The following KALRN variants were observed in gnomAD, a reference collection of about 807,000 sequenced individuals.
The protein encoded by KALRN is kalirin RhoGEF kinase, also known as kalirin.
A neutral mutation model predicts 353.7 loss-of-function variants in KALRN; 70 were observed. That is an observed-to-expected ratio of 0.20 (90% CI 0.16 to 0.24). KALRN has a LOEUF of 0.24. KALRN is among the 10% of genes least tolerant of loss of function. The probability of loss-of-function intolerance (pLI) is 1.00; values close to 1 mark genes in which losing one functional copy is unlikely to be tolerated. For synonymous variants in KALRN, 1,391 were observed against 1,434.8 expected (o/e 0.97, Z 0.69); for missense variants, 2,791 against 3,756.7 (o/e 0.74, Z 6.72).
At chr3:124,353,933 A>C (rs1387271079) in intron 10 of KALRN, among the ~76,000 whole-genome samples, 1 of 152,250 alleles carries the variant, frequency 6.6e-6, no homozygotes, top group Non-Finnish European at 1.5e-5. Flanking sequence ...CTGGAGCACT[A>C]GGGAGAAGTT....
intron 34 of KALRN, among the ~76,000 whole-genome samples, chr3:124,617,550 A>G (rs536090546): frequency 6.6e-6 from 1 of 152,252 alleles, no homozygotes; most frequent in Admixed American, 6.5e-5. Context: ...AGGGTGTATA[A>G]GCAGGGAAGA....
intron 1 of KALRN, among the ~76,000 whole-genome samples, chr3:124,064,727 T>C (rs751110121): frequency 2.0e-5 from 3 of 152,178 alleles, no homozygotes; most frequent in Non-Finnish European, 4.4e-5. Flanking sequence ...CTTTTTGGTT[T>C]GGGGTTGGGA....
chr3:124,172,754 G>C (rs918860781), intron 1 of KALRN, among the ~76,000 whole-genome samples: 1 of 152,096 alleles, frequency 6.6e-6, no homozygotes, highest in African/African-American at 2.4e-5. Context: ...CTCCCTGTGT[G>C]TTGTGGCTCT....
At chr3:124,107,002 T>C (rs969214679) in intron 1 of KALRN, among the ~76,000 whole-genome samples, 3 of 152,054 alleles carry the variant, frequency 2.0e-5, no homozygotes, top group African/African-American at 7.2e-5. Flanking sequence ...ATAAGCTGAG[T>C]GGGGTTGCAA....
At chr3:124,623,095 C>T (rs1228558367) in intron 34 of KALRN, among the ~76,000 whole-genome samples, 3 of 151,802 alleles carry the variant, frequency 2.0e-5, no homozygotes, top group South Asian at 4.2e-4. Context: ...CTTTGTCTCT[C>T]TCTTTTTTAT....
At chr3:124,368,014 C>T (rs1389476612) in intron 10 of KALRN, among the ~76,000 whole-genome samples, 3 of 40,420 alleles carry the variant, frequency 7.4e-5, no homozygotes, top group East Asian at 1.6e-3. Context: ...CCTCACCTCC[C>T]GGACGGGGCG....
intron 1 of KALRN, among the ~76,000 whole-genome samples, chr3:124,213,231 G>T (rs1336358372): frequency 6.6e-6 from 1 of 152,040 alleles, no homozygotes; most frequent in Non-Finnish European, 1.5e-5. Flanking sequence ...TTGGTGTATG[G>T]TATGAAGTTG....
chr3:124,047,824 T>C (rs567281003), intron 1 of KALRN, among the ~76,000 whole-genome samples: 1 of 152,096 alleles, frequency 6.6e-6, no homozygotes, highest in East Asian at 1.9e-4. Flanking sequence ...TATATTGAAG[T>C]TTTTAAAAAT....
At chr3:124,279,333 C>T (rs189017886) in intron 5 of KALRN, among the ~76,000 whole-genome samples, 1 of 152,354 alleles carries the variant, frequency 6.6e-6, no homozygotes, top group African/African-American at 2.4e-5. Flanking sequence ...GTACATAAAT[C>T]TACCAGTATG....
At chr3:124,212,762 C>G (rs145424402) in intron 1 of KALRN, among the ~76,000 whole-genome samples, 1 of 152,064 alleles carries the variant, frequency 6.6e-6, no homozygotes, top group African/African-American at 2.4e-5. Flanking sequence ...TAATGCTGAA[C>G]CTTGCTAGCA....
At chr3:124,135,493 C>A (rs1434877412) in intron 1 of KALRN, among the ~76,000 whole-genome samples, 1 of 152,074 alleles carries the variant, frequency 6.6e-6, no homozygotes, top group African/African-American at 2.4e-5. Context: ...ACACATGTAA[C>A]CAAATACCAC....
intron 18 of KALRN, among the ~76,000 whole-genome samples, chr3:124,440,370 GA>G (rs1388579472): frequency 5.9e-5 from 9 of 152,102 alleles, no homozygotes; most frequent in Non-Finnish European, 1.2e-4. Flanking sequence ...ACCATAGTGA[GA>G]AGCTCCCTGT....
intron 4 of KALRN, among the ~76,000 whole-genome samples, chr3:124,267,417 C>A (rs2073689868): frequency 6.6e-6 from 1 of 152,194 alleles, no homozygotes; most frequent in Admixed American, 6.5e-5. Flanking sequence ...TACTGCTGGT[C>A]TGAGAGCTAT....
chr3:124,034,978 G>C (rs916942012), intron 1 of KALRN, among the ~76,000 whole-genome samples: 3 of 152,068 alleles, frequency 2.0e-5, no homozygotes, highest in East Asian at 3.9e-4. Flanking sequence ...TCTAGGGAAG[G>C]GGGTGGGGTG....
chr3:124,151,239 G>C (rs180773195), intron 1 of KALRN, among the ~76,000 whole-genome samples: 1 of 152,108 alleles, frequency 6.6e-6, no homozygotes, highest in South Asian at 2.1e-4. Flanking sequence ...AGTATGTTTA[G>C]CTTTAATAAA....
At position 124,685,645 on chromosome 3, in the gene KALRN, A is replaced by G. The variant is rs563048773; in HGVS notation, c.7377+6128A>G. Among the ~76,000 whole-genome samples the G allele has an allele frequency of 3.3e-5, 5 of 152,328 alleles. No individual in the cohort carries two copies. In the East Asian group the frequency reaches 7.7e-4, roughly 23 times the overall value. On this transcript the variant is annotated intron_variant, in intron 51 of 59. Transcript: ENST00000682506. ...CAACAACTTTTCAAATCTCTTGACTATTGGGATAATTACTTGGCCTCACCC... is the reference window on the plus strand; with the variant it reads ...CAACAACTTTTCAAATCTCTTGACTGTTGGGATAATTACTTGGCCTCACCC...
intron 33 of KALRN, among the ~76,000 whole-genome samples, chr3:124,560,054 G>T (rs530832021): frequency 2.0e-5 from 3 of 152,164 alleles, no homozygotes; most frequent in East Asian, 1.9e-4. Context: ...TAGGCTTCTC[G>T]CCAGGAACTG....
At chr3:124,581,216 T>C (rs6785708) in intron 34 of KALRN, among the ~76,000 whole-genome samples, 37,753 of 151,754 alleles carry the variant, frequency 0.25, 4,857 homozygotes, top group East Asian at 0.33. Flanking sequence ...AGGCTGGGTA[T>C]GGTGGCTCAC....
rs775753465 is a variant in KALRN at position 124,674,367 on chromosome 3, G to A, written c.6946G>A (p.Asp2316Asn). The A allele has an allele frequency of 3.3e-5, 53 of 1,612,048 alleles. 1 individual carries two copies. The highest frequency in any genetic ancestry group is 2.3e-4 in the Admixed American group (14 of 59,894). Residue 2316 changes from aspartate to asparagine, a missense_variant, in exon 49 of 60, where the codon GAC (aspartate) becomes AAC (asparagine). By Grantham distance (23) the Asp-to-Asn change is conservative. This residue lies in a region of KALRN where 1,065 missense variants were observed against 1,156.4 expected (regional missense o/e 0.92). Coordinates refer to ENST00000682506, the MANE Select transcript of KALRN (RefSeq NM_001388419.1). ...PGDKFEASKN[D>N]LGGCNGTSSM... ...TCTCACCCTTATCTCCCAGCAGAACGACCTGGGAGGCTGCAATGGGACCTC... is the reference window on the plus strand; with the variant it reads ...TCTCACCCTTATCTCCCAGCAGAACAACCTGGGAGGCTGCAATGGGACCTC...
Sources: allele counts gnomAD v4.1 joint callset (sites outside exome capture counted in the v4.1 genomes callset), GRCh38; gene constraint gnomAD v4.1.1; regional missense constraint gnomAD v4.1.1; transcripts MANE v1.5; gene names NCBI Gene and HGNC (gene_info 2026-07-23, HGNC 2026-07-21).